CACNA1B: variants seen among roughly 807,000 people sequenced by gnomAD.
CACNA1B encodes voltage-dependent N-type calcium channel subunit alpha-1B.
Under a neutral mutation model 247.2 loss-of-function variants are expected in CACNA1B, and 70 were observed. The ratio of observed to expected loss-of-function variants is 0.28; its 90% CI spans 0.23 to 0.35. CACNA1B has a LOEUF of 0.35. Among genes scored for constraint, CACNA1B ranks in the 10% least tolerant of loss-of-function variants. The pLI is 1.00. For synonymous variants in CACNA1B, 1,231 were observed against 1,294.4 expected, an observed-to-expected ratio of 0.95 and a Z score of 1.05; for missense variants, 2,367 against 3,197.4, an observed-to-expected ratio of 0.74 and a Z score of 6.26.
At chr9:138,079,889 A>G (rs1960466811) in intron 36 of CACNA1B, among the ~76,000 whole-genome samples, 1 of 152,086 alleles carries the variant, frequency 6.6e-6, no homozygotes, top group African/African-American at 2.4e-5. Context: ...AAAAAAAAAA[A>G]AAATGTTGTT....
chr9:137,900,195 G>A (rs530914993), intron 3 of CACNA1B, among the ~76,000 whole-genome samples: 3 of 152,280 alleles, frequency 2.0e-5, no homozygotes, highest in Admixed American at 6.5e-5. Context: ...CCTGGCCCAC[G>A]CGGAGGGTGT....
At chr9:137,883,334 T>C (rs1175259301) in intron 3 of CACNA1B, among the ~76,000 whole-genome samples, 1 of 151,996 alleles carries the variant, frequency 6.6e-6, no homozygotes, top group Non-Finnish European at 1.5e-5. Flanking sequence ...CGCTCACCTG[T>C]GGTGTCCACC....
At position 138,020,220 on chromosome 9, in the gene CACNA1B, C is replaced by T. The variant is rs1020887992; in HGVS notation, c.2268-2791C>T. Among the ~76,000 whole-genome samples, 2 of 152,090 alleles carry T rather than the reference C, an allele frequency of 1.3e-5. No individual in the cohort carries two copies. Among genetic ancestry groups the T allele is most frequent in the African/African-American group, 2.4e-5 (1 of 41,406 alleles). ...GAGACCTCAAAGCAGGGCCACAGAGCGCCTTGAGGCCACTTCCAAGTCCTG... is the reference window on the plus strand; with the variant it reads ...GAGACCTCAAAGCAGGGCCACAGAGTGCCTTGAGGCCACTTCCAAGTCCTG... On this transcript the variant is annotated intron_variant, in intron 18 of 46. Coordinates refer to ENST00000371372, the MANE Select transcript of CACNA1B (RefSeq NM_000718.4). This position sits in a 1 kb window ranked among gnomAD's most constrained non-coding sequence, Gnocchi z 4.1.
At chr9:138,105,314 A>C (rs891909556) in intron 38 of CACNA1B, among the ~76,000 whole-genome samples, 1 of 152,174 alleles carries the variant, frequency 6.6e-6, no homozygotes, top group Non-Finnish European at 1.5e-5. Flanking sequence ...TGGGCAGAGC[A>C]ATGAGCACAG....
At position 137,903,138 on chromosome 9, in the gene CACNA1B, C is replaced by A. The variant is rs145741998; in HGVS notation, c.531-10042C>A. ...GTGGCTCACGCCTGTAATTCCAGCA[C>A]TTTGGGAGGCTGAGGCGGGCGGATC... is the stretch of plus-strand genomic sequence containing the variant. On this transcript the variant is annotated intron_variant, in intron 3 of 46. Transcript: ENST00000371372. Among the ~76,000 whole-genome samples the A allele has an allele frequency of 8.8e-3, 1,342 of 152,244 alleles. 21 individuals are homozygous for A. Among genetic ancestry groups the A allele is most frequent in the African/African-American group, 0.03 (1,259 of 41,534 alleles).
In CACNA1B at chr9:137,974,476, G is replaced by T. The variant is rs183876216; in HGVS notation, c.1544-1431G>T. ...ATGTCCTCAGGCCATACAAAGTGGG[G>T]TGTCCGCTCCCTGAGACTCCTGTCT... On this transcript the variant is annotated intron_variant, in intron 11 of 46. Transcript: ENST00000371372. This position sits in a 1 kb window ranked among gnomAD's most constrained non-coding sequence, Gnocchi z 4.5. Among the ~76,000 whole-genome samples the T allele has an allele frequency of 1.3e-5, 2 of 152,164 alleles. No individual in the cohort carries two copies. The highest frequency in any genetic ancestry group is 2.9e-5 in the Non-Finnish European group (2 of 68,032).
rs770119211 is a variant in CACNA1B at position 138,049,246 on chromosome 9, A to G, written c.3641A>G (p.Tyr1214Cys). ...DLGLLLHPGAYFRDLWNILDF... is the reference protein window; with the variant it reads ...DLGLLLHPGACFRDLWNILDF... ...GGACTGCTGCTTCACCCTGGAGCCT[A>G]TTTCCGGGACTTGTGGAACATTCTG... Residue 1214 changes from tyrosine (Y) to cysteine (C), a missense_variant, in exon 24 of 47, where the codon TAT becomes TGT. Transcript: ENST00000371372. 1.2e-6 allele frequency: 2 copies of G among 1,613,608 alleles called. No individual in the cohort carries two copies. Among genetic ancestry groups the G allele is most frequent in the Non-Finnish European group, 1.7e-6 (2 of 1,179,560 alleles).
chr9:138,017,837 C>T (rs1243021071), intron 18 of CACNA1B, among the ~76,000 whole-genome samples: 8 of 152,356 alleles, frequency 5.3e-5, no homozygotes, highest in East Asian at 1.9e-4. Flanking sequence ...ATGGCTGGTC[C>T]GCAGGGGCTT....
In CACNA1B at chr9:138,104,015, C is replaced by T. The variant is rs117954080; in HGVS notation, c.5319+1208C>T. 3.4e-3 allele frequency among the ~76,000 whole-genome samples: 524 copies of T among 152,328 alleles called. 5 individuals carry two copies. The East Asian group carries it at 0.038, about 11-fold the overall frequency. Reference sequence around the variant, plus strand: ...GAAGGAGAGCTCTGTCCACACTTGGCGCCGGGGCAAGCAGGCAGGGCCATG... The same window carrying T: ...GAAGGAGAGCTCTGTCCACACTTGGTGCCGGGGCAAGCAGGCAGGGCCATG... On this transcript the variant is annotated intron_variant, in intron 38 of 46. Transcript: ENST00000371372.
At position 138,122,078 on chromosome 9, in the gene CACNA1B, GCCGGCCC is replaced by G; in HGVS notation, c.*80_*86del. 1 of 1,370,608 alleles carries G rather than the reference GCCGGCCC, an allele frequency of 7.3e-7. No homozygotes were observed. The highest frequency in any genetic ancestry group is 9.8e-7 in the Non-Finnish European group (1 of 1,022,530). 84.9% of individuals were successfully genotyped at this position (1,370,608 alleles called of 1,614,324 possible). A position where few individuals can be genotyped will look rare whatever the true frequency, so the allele number is the denominator to read the frequency against. On this transcript the variant is annotated 3_prime_UTR_variant, in exon 47 of 47. Transcript: ENST00000371372. Reference sequence around the variant, plus strand: ...TGAGTTTTATCATCCACACGGGGCAGCCGGCCCTCGGGGGAGGCCTTGCCCACCTTGG... The same window carrying G: ...TGAGTTTTATCATCCACACGGGGCAGTCGGGGGAGGCCTTGCCCACCTTGG...
intron 31 of CACNA1B, among the ~76,000 whole-genome samples, chr9:138,066,446 A>G (rs1478885030): frequency 1.3e-5 from 2 of 152,104 alleles, no homozygotes; most frequent in African/African-American, 4.8e-5. Flanking sequence ...AACGCTAAAA[A>G]AATAAGAGAG....
intron 3 of CACNA1B, among the ~76,000 whole-genome samples, chr9:137,905,368 A>T (rs1957287250): frequency 6.6e-6 from 1 of 151,844 alleles, no homozygotes; most frequent in Non-Finnish European, 1.5e-5. Context: ...AAAAAAAAAA[A>T]CTTTTAGATT....
At chr9:138,104,383 C>A (rs761767541) in intron 38 of CACNA1B, among the ~76,000 whole-genome samples, 1 of 152,212 alleles carries the variant, frequency 6.6e-6, no homozygotes, top group African/African-American at 2.4e-5. Flanking sequence ...CCCCAACGCC[C>A]CCCAACGCCT....
rs866962751 is a variant in CACNA1B, at chr9:137,887,210, G to A, written c.530+4327G>A. Among the ~76,000 whole-genome samples, 1,145 of 150,900 alleles carry A rather than the reference G, an allele frequency of 7.6e-3. 14 individuals carry two copies. The highest frequency in any genetic ancestry group is 0.027 in the African/African-American group (1,095 of 41,034). ...GACCCAAGGCTGTGCACTGCGCCCC[G>A]TGGGTCTGAGGCAGGAGCTGGTCCA... is the stretch of plus-strand genomic sequence containing the variant. On this transcript the variant is annotated intron_variant, in intron 3 of 46. Transcript: ENST00000371372.
chr9:138,028,763 T>G (rs967379343), intron 20 of CACNA1B, among the ~76,000 whole-genome samples: 2 of 152,238 alleles, frequency 1.3e-5, no homozygotes, highest in African/African-American at 4.8e-5. Context: ...CAGACTTGCT[T>G]GGTCTGATTG....
At position 137,957,129 on chromosome 9, in the gene CACNA1B, G is replaced by C. The variant is rs1957958523; in HGVS notation, c.1243+302G>C. 6.6e-6 allele frequency among the ~76,000 whole-genome samples: 1 copy of C among 152,180 alleles called. No individual in the cohort carries two copies. The highest frequency in any genetic ancestry group is 2.4e-5 in the African/African-American group (1 of 41,438). On this transcript the variant is annotated intron_variant, in intron 9 of 46. Transcript: ENST00000371372. The surrounding 1 kb of genome is among the most constrained non-coding windows in gnomAD (Gnocchi z 4.7). ...CATGAGAGGGAGCCCGGGCCCCACT[G>C]CTGTGGTTGCTGGCACTAGTTACCA...
rs534917629 is a variant in CACNA1B at position 137,894,424 on chromosome 9, A to T, written c.530+11541A>T. Among the ~76,000 whole-genome samples the T allele has an allele frequency of 9.1e-5, 12 of 131,756 alleles. No individual in the cohort carries two copies. The South Asian group carries it at 2.8e-3, about 31-fold the overall frequency. The allele number at this position is 131,756 out of a possible 152,430, so 86.4% of individuals were successfully genotyped here. On this transcript the variant is annotated intron_variant, in intron 3 of 46. Coordinates refer to ENST00000371372, the MANE Select transcript of CACNA1B (RefSeq NM_000718.4). ...TTCTCTGCCATCTGCATATCCTTTT[A>T]TTTTTTTTCAGATGGAGTCTCGCTC...
At position 137,955,007 on chromosome 9, in the gene CACNA1B, T is replaced by G. The variant is rs1957930435; in HGVS notation, c.1071-691T>G. Among the ~76,000 whole-genome samples the G allele has an allele frequency of 6.6e-6, 1 of 151,788 alleles. No individual in the cohort carries two copies. On this transcript the variant is annotated intron_variant, in intron 7 of 46. Coordinates refer to ENST00000371372, the MANE Select transcript of CACNA1B (RefSeq NM_000718.4). The surrounding 1 kb of genome is among the most constrained non-coding windows in gnomAD (Gnocchi z 6.9). The stretch of plus-strand genomic sequence containing the variant: ...GGGGATGCTGAGCTGGAAGGGCAAG[T>G]GTTCTCTGCTGGTCACCATGACGGC...
chr9:137,964,531 C>T (rs1958054174), intron 10 of CACNA1B, among the ~76,000 whole-genome samples: 1 of 152,168 alleles, frequency 6.6e-6, no homozygotes, highest in Non-Finnish European at 1.5e-5. Context: ...GTGTGTTTTT[C>T]AGCTCTAACA....
Sources: gnomAD v4.1 joint callset for allele counts (sites outside exome capture counted in the v4.1 genomes callset) on GRCh38, gnomAD v4.1.1 for gene constraint, Gnocchi (gnomAD v3.1) non-coding constraint, MANE v1.5 for transcripts, NCBI Gene and HGNC (gene_info 2026-07-23, HGNC 2026-07-21) for gene names.